The following FTO variants were observed in gnomAD, a reference collection of about 807,000 sequenced individuals.
FTO encodes alpha-ketoglutarate-dependent dioxygenase FTO.
Under a neutral mutation model 63.9 loss-of-function variants are expected in FTO, and 47 were observed. The ratio of observed to expected loss-of-function variants is 0.74; its 90% CI spans 0.58 to 0.94. The LOEUF (loss-of-function observed/expected upper bound fraction) is 0.94. Among genes scored for constraint, FTO ranks in the 40% least tolerant of loss-of-function variants. The pLI is 0.00. For synonymous variants in FTO, 207 were observed against 224.4 expected, an observed-to-expected ratio of 0.92 and a Z score of 0.69; for missense variants, 562 against 618.1, an observed-to-expected ratio of 0.91 and a Z score of 0.96.
chr16:54,024,168 G>T (rs2084660658), intron 8 of FTO, among the ~76,000 whole-genome samples: 1 of 152,130 alleles, frequency 6.6e-6, no homozygotes, highest in South Asian at 2.1e-4. Flanking sequence ...AAAGGTATAA[G>T]TGTTTGTATG....
chr16:53,990,466 G>T (rs962899666), intron 8 of FTO, among the ~76,000 whole-genome samples: 4 of 152,122 alleles, frequency 2.6e-5, no homozygotes, highest in Middle Eastern at 3.4e-3. Flanking sequence ...TAGGTCACTT[G>T]CTGCCCTCAC....
chr16:53,867,871 A>G (rs1377425171), intron 4 of FTO, among the ~76,000 whole-genome samples: 1 of 152,062 alleles, frequency 6.6e-6, no homozygotes, highest in East Asian at 1.9e-4. Flanking sequence ...ATACATTTTG[A>G]TGCTCTACTA....
intron 1 of FTO, among the ~76,000 whole-genome samples, chr16:53,750,467 G>T (rs2076762067): frequency 6.6e-6 from 1 of 152,002 alleles, no homozygotes; most frequent in South Asian, 2.1e-4. Context: ...TCAAACTCCT[G>T]ACCTCAGGTC....
At chr16:53,788,900 A>G (rs2077823172) in intron 1 of FTO, among the ~76,000 whole-genome samples, 1 of 152,224 alleles carries the variant, frequency 6.6e-6, no homozygotes, top group Non-Finnish European at 1.5e-5. Flanking sequence ...CCAAGTGCCA[A>G]ATTTCATTTT....
At chr16:53,721,619 C>T (rs1476417568) in intron 1 of FTO, among the ~76,000 whole-genome samples, 2 of 151,920 alleles carry the variant, frequency 1.3e-5, no homozygotes, top group Non-Finnish European at 2.9e-5. Flanking sequence ...CTGAGAGTTC[C>T]CATGTTCTTT....
intron 8 of FTO, among the ~76,000 whole-genome samples, chr16:54,057,763 T>C (rs1388491444): frequency 2.0e-5 from 3 of 152,166 alleles, no homozygotes; most frequent in African/African-American, 7.2e-5. Flanking sequence ...GATATATAAA[T>C]GCAAGTTTCA....
At chr16:53,773,971 A>G (rs941206113) in intron 1 of FTO, among the ~76,000 whole-genome samples, 4 of 152,150 alleles carry the variant, frequency 2.6e-5, no homozygotes, top group Non-Finnish European at 5.9e-5. Context: ...GGAGAAGAAA[A>G]TTACACATGG....
intron 7 of FTO, among the ~76,000 whole-genome samples, chr16:53,908,482 C>T (rs911892049): frequency 2.8e-4 from 42 of 152,194 alleles, no homozygotes; most frequent in Admixed American, 6.5e-5. Context: ...GTCGGCACAT[C>T]GTTCCTTCTT....
At chr16:54,074,915 A>AGTGTGT (rs1295546396) in intron 8 of FTO, among the ~76,000 whole-genome samples, 3 of 127,264 alleles carry the variant, frequency 2.4e-5, no homozygotes, top group African/African-American at 5.9e-5. Flanking sequence ...AGAGAGAGAG[A>AGTGTGT]GAGTGTGTGT....
At chr16:54,032,955 C>G (rs2084865170) in intron 8 of FTO, among the ~76,000 whole-genome samples, 1 of 152,164 alleles carries the variant, frequency 6.6e-6, no homozygotes, top group African/African-American at 2.4e-5. Flanking sequence ...ATAACCGCTC[C>G]TGCTTCACCT....
chr16:54,118,097 A>T lies in FTO; in HGVS notation c.*6182A>T, dbSNP rs1315489152. 6.6e-6 allele frequency: 1 copy of T among 152,224 alleles called. No individual in the cohort carries two copies. The highest frequency in any genetic ancestry group is 1.5e-5 in the Non-Finnish European group (1 of 68,026). 9.4% of individuals were successfully genotyped at this position (152,224 alleles called of 1,614,324 possible). On this transcript the variant is annotated 3_prime_UTR_variant, in exon 9 of 9. Transcript: ENST00000471389. Reference sequence around the variant, plus strand: ...ATTTTACAAAAGCCACTGACTAAACATGGCACCAATACAAATGAAGCACTT... The same window carrying T: ...ATTTTACAAAAGCCACTGACTAAACTTGGCACCAATACAAATGAAGCACTT...
chr16:53,920,539 CA>C (rs1263775004), intron 7 of FTO, among the ~76,000 whole-genome samples: 5 of 152,120 alleles, frequency 3.3e-5, no homozygotes, highest in African/African-American at 4.8e-5. Context: ...ATAATTTTCC[CA>C]AATCTTTCAT....
chr16:53,789,539 G>A (rs1008439039), intron 1 of FTO, among the ~76,000 whole-genome samples: 2 of 152,102 alleles, frequency 1.3e-5, no homozygotes, highest in Admixed American at 6.5e-5. Flanking sequence ...AAAAAATCAT[G>A]TATGGTTGAT....
intron 1 of FTO, among the ~76,000 whole-genome samples, chr16:53,759,962 G>C (rs2077017043): frequency 6.6e-6 from 1 of 152,012 alleles, no homozygotes; most frequent in African/African-American, 2.4e-5. Context: ...TCTTTTGCTT[G>C]GTCAGGGATG....
Position 54,014,953 on chromosome 16 carries a change from C to T in FTO, c.1364+80844C>T, listed in dbSNP as rs1466598108. Among the ~76,000 whole-genome samples, 3 of 150,762 alleles carry T rather than the reference C, an allele frequency of 2.0e-5. No homozygotes were observed. In the Admixed American group the frequency reaches 2.0e-4, roughly 10 times the overall value. ...TCGCTTCAGCCTCCAACTCCTAGCC[C>T]CAAGCAATCCTCCTGCCTCAGCCTC... On this transcript the variant is annotated intron_variant, in intron 8 of 8. Coordinates refer to ENST00000471389, the MANE Select transcript of FTO (RefSeq NM_001080432.3).
intron 8 of FTO, among the ~76,000 whole-genome samples, chr16:54,011,266 T>C (rs1248820007): frequency 6.6e-6 from 1 of 152,228 alleles, no homozygotes; most frequent in African/African-American, 2.4e-5. Flanking sequence ...GAGATTCTTA[T>C]CTAGTGAAGA....
At chr16:53,864,843 C>T (rs943471020) in intron 4 of FTO, among the ~76,000 whole-genome samples, 1 of 152,086 alleles carries the variant, frequency 6.6e-6, no homozygotes. Flanking sequence ...AAATTAGAAG[C>T]TCTTAAATGA....
At chr16:54,088,087 G>A (rs1471837455) in intron 8 of FTO, among the ~76,000 whole-genome samples, 3 of 152,170 alleles carry the variant, frequency 2.0e-5, no homozygotes, top group African/African-American at 7.2e-5. Context: ...TTATAGATAA[G>A]GGTAAAGTCT....
chr16:53,853,404 T>C (rs1293252732), intron 4 of FTO, among the ~76,000 whole-genome samples: 3 of 152,118 alleles, frequency 2.0e-5, no homozygotes, highest in African/African-American at 7.2e-5. Flanking sequence ...GGTATTTTAA[T>C]GTACCTGTCA....
Sources: gnomAD v4.1 joint callset for allele counts (sites outside exome capture counted in the v4.1 genomes callset) on GRCh38, gnomAD v4.1.1 for gene constraint, MANE v1.5 for transcripts, NCBI Gene and HGNC (gene_info 2026-07-23, HGNC 2026-07-21) for gene names.